Variants in ADAMTSL1 observed in about 807,000 individuals in gnomAD.
ADAMTSL1 encodes the protein ADAMTS like 1.
In ADAMTSL1, 126 loss-of-function variants were observed where a neutral mutation model predicts 201.8. The observed-to-expected ratio is 0.62, with a 90% CI of 0.54 to 0.72. The LOEUF (loss-of-function observed/expected upper bound fraction) is 0.72, where lower values mean the gene tolerates loss of function less well. Among genes scored for constraint, ADAMTSL1 ranks in the 30% least tolerant of loss-of-function variants. The pLI, the probability that ADAMTSL1 is intolerant of heterozygous loss-of-function variation, is 0.00. For missense variants in ADAMTSL1, 2,679 were observed against 2,277.8 expected (o/e 1.18, Z -3.59); for synonymous variants, 1,121 against 903.4 (o/e 1.24, Z -4.32).
intron 3 of ADAMTSL1, among the ~76,000 whole-genome samples, chr9:18,568,967 T>G (rs1411820713): frequency 6.6e-6 from 1 of 152,092 alleles, no homozygotes; most frequent in Admixed American, 6.6e-5. Context: ...TTAAAAAGAA[T>G]GAAAATAAAG....
intron 10 of ADAMTSL1, 67 bp downstream of exon 10, chr9:18,675,974 T>C: frequency 7.4e-7 from 1 of 1,357,892 alleles, no homozygotes; most frequent in Non-Finnish European, 1.1e-6. Flanking sequence ...TCTATATATA[T>C]AGAGATATAC....
rs55916376 is a variant in ADAMTSL1, at chr9:18,886,166, G to GTATGTATATA, written c.4250-1662_4250-1661insGTATATATAT. ...TATATATACATGTGAGTGTGTATGT[G>GTATGTATATA]TATATATATATATATATATATATAT... On this transcript the variant is annotated intron_variant, in intron 23 of 28. Transcript: ENST00000380548. Among the ~76,000 whole-genome samples, 200 of 36,968 alleles carry GTATGTATATA rather than the reference G, an allele frequency of 5.4e-3. 1 individual carries two copies. The highest frequency in any genetic ancestry group is 0.02 in the Middle Eastern group (1 of 50). The allele number at this position is 36,968 out of a possible 152,430, so 24.3% of individuals were successfully genotyped here.
At position 18,204,047 on chromosome 9, in the gene ADAMTSL1, C is replaced by T. The variant is rs544504457; in HGVS notation, c.207+40066C>T. Among the ~76,000 whole-genome samples, 6 of 152,234 alleles carry T rather than the reference C, an allele frequency of 3.9e-5. No homozygotes were observed. The South Asian group carries it at 1.2e-3, about 32-fold the overall frequency. On this transcript the variant is annotated intron_variant, in intron 2 of 29. Transcript: ENST00000680146. ...TGAGCAGGGCGCTAAGTATCACCTC[C>T]GATTCTCTTCTTAAGAACATATCAT...
At chr9:18,533,923 G>T (rs554925904) in intron 3 of ADAMTSL1, among the ~76,000 whole-genome samples, 1 of 152,316 alleles carries the variant, frequency 6.6e-6, no homozygotes, top group East Asian at 1.9e-4. Context: ...TTGGAGGACT[G>T]TGACTAGCCC....
At chr9:18,701,403 A>G (rs1410578714) in intron 13 of ADAMTSL1, among the ~76,000 whole-genome samples, 1 of 152,048 alleles carries the variant, frequency 6.6e-6, no homozygotes, top group Non-Finnish European at 1.5e-5. Flanking sequence ...TATTTTTAGT[A>G]GAGACAGGGT....
At chr9:18,701,048 A>T (rs984061224) in intron 13 of ADAMTSL1, among the ~76,000 whole-genome samples, 11 of 152,190 alleles carry the variant, frequency 7.2e-5, no homozygotes, top group African/African-American at 2.7e-4. Flanking sequence ...ATTCCACTAG[A>T]CACAGTTAAT....
intron 2 of ADAMTSL1, among the ~76,000 whole-genome samples, chr9:18,392,015 G>A (rs889128427): frequency 7.3e-5 from 11 of 151,540 alleles, no homozygotes; most frequent in African/African-American, 2.2e-4. Flanking sequence ...AGTAGAGACC[G>A]GGGTTTCACC....
chr9:17,985,547 A>G (rs1036506781), intron 1 of ADAMTSL1, among the ~76,000 whole-genome samples: 2 of 152,132 alleles, frequency 1.3e-5, no homozygotes, highest in Admixed American at 6.5e-5. Context: ...CAGGCAGCAT[A>G]TAAGACAAGG....
rs190121131 is a variant in ADAMTSL1 at position 18,806,133 on chromosome 9, G to C, written c.3805+10609G>C. ...AAGACCCATTGGATCCATCCATTCA[G>C]GGTCAACAAACGTTCATTAAGCCTG... On this transcript the variant is annotated intron_variant, in intron 20 of 28. Transcript: ENST00000380548. Among the ~76,000 whole-genome samples the C allele has an allele frequency of 6.0e-4, 92 of 152,336 alleles. 1 individual carries two copies. Among genetic ancestry groups the C allele is most frequent in the African/African-American group, 2.0e-3 (83 of 41,576 alleles).
chr9:18,708,010 G>A (rs993419016), intron 14 of ADAMTSL1, among the ~76,000 whole-genome samples: 7 of 152,242 alleles, frequency 4.6e-5, no homozygotes. Flanking sequence ...AGATGAGGGA[G>A]CGCCAGCTGA....
intron 2 of ADAMTSL1, among the ~76,000 whole-genome samples, chr9:18,186,006 C>G (rs146467768): frequency 1.3e-5 from 2 of 152,160 alleles, no homozygotes; most frequent in African/African-American, 4.8e-5. Flanking sequence ...ATCCCTTTCT[C>G]ACAGTGTGAT....
chr9:18,243,793 A>C (rs766589471), intron 2 of ADAMTSL1, among the ~76,000 whole-genome samples: 2 of 149,920 alleles, frequency 1.3e-5, no homozygotes, highest in Non-Finnish European at 3.0e-5. Context: ...TTTTCTTCCT[A>C]AATTATCCAC....
chr9:18,633,170 G>A (rs1826883667), intron 5 of ADAMTSL1, among the ~76,000 whole-genome samples: 2 of 152,186 alleles, frequency 1.3e-5, no homozygotes, highest in Non-Finnish European at 2.9e-5. Flanking sequence ...CCTTTTACTT[G>A]CACTTTATTT....
rs200759658 is a variant in ADAMTSL1 at position 18,908,575 on chromosome 9, C to T, written c.*27C>T. On this transcript the variant is annotated 3_prime_UTR_variant, in exon 29 of 29. Transcript: ENST00000380548. ...GATAGGGTGTGGGGAAAAACTCTACCCTGGCCACACGAAGGACTCACGCAA... is the reference window on the plus strand; with the variant it reads ...GATAGGGTGTGGGGAAAAACTCTACTCTGGCCACACGAAGGACTCACGCAA... 2.6e-6 allele frequency: 4 copies of T among 1,531,122 alleles called. No homozygotes were observed. Among genetic ancestry groups the T allele is most frequent in the Non-Finnish European group, 3.5e-6 (4 of 1,129,468 alleles). 94.8% of individuals were successfully genotyped at this position (1,531,122 alleles called of 1,614,324 possible).
At chr9:18,757,422 T>C (rs1795094802) in intron 16 of ADAMTSL1, among the ~76,000 whole-genome samples, 1 of 152,164 alleles carries the variant, frequency 6.6e-6, no homozygotes, top group Admixed American at 6.5e-5. Context: ...CTGTTACCTA[T>C]ACCACAATTT....
intron 21 of ADAMTSL1, among the ~76,000 whole-genome samples, chr9:18,824,036 CGAAGGAAGGAAG>C (rs72217621): frequency 6.8e-6 from 1 of 147,322 alleles, no homozygotes; most frequent in African/African-American, 2.5e-5. Flanking sequence ...AAGGAAGGAA[CGAAGGAAGGAAG>C]GAAGGAAGGA....
chr9:18,244,114 T>C (rs202182082), intron 2 of ADAMTSL1, among the ~76,000 whole-genome samples: 1 of 38,168 alleles, frequency 2.6e-5, no homozygotes, highest in African/African-American at 7.1e-5. Context: ...TGTGTGTACG[T>C]GTGTGTGTGT....
chr9:18,191,449 T>G (rs1263730450), intron 2 of ADAMTSL1, among the ~76,000 whole-genome samples: 1 of 152,134 alleles, frequency 6.6e-6, no homozygotes, highest in African/African-American at 2.4e-5. Context: ...TAAGCCACTT[T>G]CTTCTTCAAT....
chr9:17,981,826 G>A (rs1362453668), intron 1 of ADAMTSL1, among the ~76,000 whole-genome samples: 1 of 152,162 alleles, frequency 6.6e-6, no homozygotes, highest in African/African-American at 2.4e-5. Context: ...GTGAGGGTGA[G>A]GTGGGGTGAA....
Sources: gnomAD v4.1 joint callset for allele counts (sites outside exome capture counted in the v4.1 genomes callset) on GRCh38, gnomAD v4.1.1 for gene constraint, MANE v1.5 for transcripts, NCBI Gene and HGNC (gene_info 2026-07-23, HGNC 2026-07-21) for gene names.